Variants in AGBL2 observed in about 807,000 individuals in gnomAD.
The protein encoded by AGBL2 is AGBL carboxypeptidase 2, also known as cytosolic carboxypeptidase 2.
A neutral mutation model predicts 103.0 loss-of-function variants in AGBL2; 87 were observed. That is an observed-to-expected ratio of 0.84 (90% CI 0.71 to 1.01). The LOEUF is 1.01. Among genes scored for constraint, AGBL2 ranks in the 50% least tolerant of loss-of-function variants. The pLI is 0.00. For synonymous variants in AGBL2, 335 were observed against 356.7 expected, an observed-to-expected ratio of 0.94 and a Z score of 0.69; for missense variants, 904 against 1,023.5, an observed-to-expected ratio of 0.88 and a Z score of 1.59.
intron 8 of AGBL2, among the ~76,000 whole-genome samples, chr11:47,695,711 G>A (rs1228168052): frequency 7.1e-6 from 1 of 140,786 alleles, no homozygotes; most frequent in African/African-American, 2.7e-5. Flanking sequence ...TAAGGTGGAG[G>A]ATACAATGAG....
In AGBL2 at chr11:47,700,603, CCAACA is replaced by C. The variant is rs781432715; in HGVS notation, c.587-1055_587-1051del. Reference sequence around the variant, plus strand: ...TCAAAATAAATTTAAAACAAACAAACCAACAAACAAACAAACAAACATTTCCTTTA... The same window carrying C: ...TCAAAATAAATTTAAAACAAACAAACAACAAACAAACAAACATTTCCTTTA... On this transcript the variant is annotated intron_variant, in intron 7 of 18. Coordinates refer to ENST00000525123, the MANE Select transcript of AGBL2 (RefSeq NM_024783.4). Among the ~76,000 whole-genome samples, 920 of 150,644 alleles carry C rather than the reference CCAACA, an allele frequency of 6.1e-3. 8 individuals are homozygous for C. The highest frequency in any genetic ancestry group is 0.021 in the African/African-American group (882 of 41,324).
At chr11:47,677,220 T>C (rs1198929996) in intron 14 of AGBL2, 51 bp downstream of exon 14, 3 of 1,424,710 alleles carry the variant, frequency 2.1e-6, no homozygotes, top group Admixed American at 4.6e-5. Flanking sequence ...ATCACCCAGG[T>C]TAACAACAAA....
chr11:47,682,148 T>A, intron 11 of AGBL2, 53 bp from the exon 12 acceptor site: 13 of 1,527,084 alleles, frequency 8.5e-6, no homozygotes, highest in Non-Finnish European at 1.2e-5. Context: ...ATGTAAAATA[T>A]CTAAGATTCA....
intron 7 of AGBL2, among the ~76,000 whole-genome samples, chr11:47,701,034 C>T (rs570474136): frequency 1.8e-4 from 27 of 150,676 alleles, no homozygotes; most frequent in African/African-American, 5.6e-4. Flanking sequence ...CCAGCCTGGG[C>T]GACAGAGTGA....
rs556929459 is a variant in AGBL2 at position 47,662,519 on chromosome 11, G to A, written c.2535+507C>T. ...ACTTTTTTTTTTTTTTTTAGACGGA[G>A]TCGCACTCTGTCACCCAGGCTGGAG... is the stretch of plus-strand genomic sequence containing the variant. On this transcript the variant is annotated intron_variant, in intron 18 of 18. Transcript: ENST00000525123. Among the ~76,000 whole-genome samples, 7 of 146,524 alleles carry A rather than the reference G, an allele frequency of 4.8e-5. No homozygotes were observed. In the South Asian group the frequency reaches 1.5e-3, roughly 31 times the overall value.
intron 12 of AGBL2, among the ~76,000 whole-genome samples, chr11:47,681,721 G>A (rs2097402055): frequency 6.6e-6 from 1 of 152,330 alleles, no homozygotes; most frequent in South Asian, 2.1e-4. Context: ...GCCTCCCAAA[G>A]TGCTGGGATT....
At chr11:47,691,159 G>C (rs1190099473) in intron 9 of AGBL2, among the ~76,000 whole-genome samples, 1 of 151,424 alleles carries the variant, frequency 6.6e-6, no homozygotes, top group Non-Finnish European at 1.5e-5. Flanking sequence ...AGCTACTCAG[G>C]AGGCTGAAGC....
At chr11:47,712,554 C>T (rs922291657) in intron 3 of AGBL2, among the ~76,000 whole-genome samples, 1 of 152,094 alleles carries the variant, frequency 6.6e-6, no homozygotes, top group Non-Finnish European at 1.5e-5. Context: ...TGAAAAATTG[C>T]CAGTTCTTGT....
At position 47,667,699 on chromosome 11, in the gene AGBL2, A is replaced by G; in HGVS notation, c.2215-3T>C. ...AACATCTTCTTTTTCTGAGTCAGCT[A>G]TTCCAGAAAGTAGAGAAACTGGTCA... On this transcript the variant is annotated splice_polypyrimidine_tract_variant and splice_region_variant and intron_variant, in intron 15 of 18. Transcript: ENST00000525123. 1.2e-6 allele frequency: 2 copies of G among 1,609,088 alleles called. No homozygotes were observed. Among genetic ancestry groups the G allele is most frequent in the Non-Finnish European group, 1.7e-6 (2 of 1,179,260 alleles).
In AGBL2 at chr11:47,714,587, A is replaced by G. The variant is rs747602673; in HGVS notation, c.33+31T>C. On this transcript the variant is annotated intron_variant, in intron 2 of 18. Transcript: ENST00000525123. The stretch of plus-strand genomic sequence containing the variant: ...CGAAGAAATGGAGTTCCCCGAAGAA[A>G]TTTCTGTGGCTTTCCGTGTTGTGTA... The G allele has an allele frequency of 4.6e-5, 74 of 1,612,106 alleles. No individual in the cohort carries two copies. In the East Asian group the frequency reaches 1.3e-3, roughly 28 times the overall value.
intron 14 of AGBL2, among the ~76,000 whole-genome samples, chr11:47,676,285 C>A (rs1344555822): frequency 6.6e-6 from 1 of 152,116 alleles, no homozygotes; most frequent in Non-Finnish European, 1.5e-5. Context: ...AATCCACAGG[C>A]AAATCCTAAT....
chr11:47,667,690 G>C lies in AGBL2; in HGVS notation c.2221C>G (p.Gln741Glu), dbSNP rs1435104925. The change falls in exon 16 of 19, where the codon CAG (glutamine) becomes GAG (glutamate). Residue 741 changes from glutamine to glutamate, a missense_variant. Physicochemically the swap from Gln to Glu is conservative, Grantham distance 29. Coordinates refer to ENST00000525123, the MANE Select transcript of AGBL2 (RefSeq NM_024783.4). ...TTCTTCTTAAACATCTTCTTTTTCT[G>C]AGTCAGCTATTCCAGAAAGTAGAGA... ...HLANIADELT[Q>E]KKKMFKKKKK... is the part of the protein sequence containing the mutation. The C allele has an allele frequency of 6.2e-7, 1 of 1,609,974 alleles. No homozygotes were observed. Among genetic ancestry groups the C allele is most frequent in the Non-Finnish European group, 8.5e-7 (1 of 1,179,350 alleles).
intron 11 of AGBL2, among the ~76,000 whole-genome samples, chr11:47,684,520 C>T (rs540023244): frequency 5.3e-5 from 8 of 149,542 alleles, no homozygotes; most frequent in Admixed American, 6.7e-5. Flanking sequence ...CGCGCCACTG[C>T]ACTCCATCCT....
chr11:47,661,455 G>C (rs773010912), intron 18 of AGBL2, among the ~76,000 whole-genome samples: 40 of 152,162 alleles, frequency 2.6e-4, no homozygotes, highest in Non-Finnish European at 4.6e-4. Context: ...TATGGTGATT[G>C]GACTATCAGT....
At chr11:47,714,471 T>C (rs4752791) in intron 2 of AGBL2, 124 bp from the exon 3 acceptor site, 216,968 of 1,308,346 alleles carry the variant, frequency 0.17, 21,338 homozygotes, top group East Asian at 0.37. Flanking sequence ...TCCATGCGAA[T>C]TATTCTATCG....
chr11:47,666,254 C>A (rs142345197), intron 17 of AGBL2, among the ~76,000 whole-genome samples: 316 of 151,746 alleles, frequency 2.1e-3, no homozygotes, highest in African/African-American at 7.1e-3. Flanking sequence ...ATTAGCCGAG[C>A]ATGGTGGTGG....
rs772840491 is a variant in AGBL2, at chr11:47,660,138, C to T, written c.*35G>A. The stretch of plus-strand genomic sequence containing the variant: ...AAAATGTGTCTAATCTCAAAACCCC[C>T]GATGAAGTGCTTGTGTGGCACAGCC... On this transcript the variant is annotated 3_prime_UTR_variant, in exon 19 of 19. Transcript: ENST00000525123. 1.1e-5 allele frequency: 17 copies of T among 1,573,718 alleles called. No homozygotes were observed. Among genetic ancestry groups the T allele is most frequent in the African/African-American group, 4.1e-5 (3 of 73,390 alleles).
rs751360041 is a variant in AGBL2, at chr11:47,685,953, G to C, written c.1728C>G (p.Arg576=). 17 of 1,613,892 alleles carry C rather than the reference G, an allele frequency of 1.1e-5. No individual in the cohort carries two copies. In the East Asian group the frequency reaches 3.1e-4, roughly 30 times the overall value. The change falls in exon 11 of 19, where the codon CGC becomes CGG. Residue 576 remains arginine (R), a synonymous_variant. Transcript: ENST00000525123. ...AGACTCGTTCATGAAGCCAGTATTTGCGATTGTTGTTATTACAGCCATACA... is the reference window on the plus strand; with the variant it reads ...AGACTCGTTCATGAAGCCAGTATTTCCGATTGTTGTTATTACAGCCATACA... ...IFLYGCNNNN[R]KYWLHERVFP...
intron 3 of AGBL2, among the ~76,000 whole-genome samples, chr11:47,712,784 A>C (rs1340955633): frequency 6.6e-6 from 1 of 152,108 alleles, no homozygotes; most frequent in Non-Finnish European, 1.5e-5. Flanking sequence ...TCATGCCTGT[A>C]ATCTTGGCAT....
Sources: gnomAD v4.1 joint callset for allele counts (sites outside exome capture counted in the v4.1 genomes callset) on GRCh38, gnomAD v4.1.1 for gene constraint, MANE v1.5 for transcripts, NCBI Gene and HGNC (gene_info 2026-07-23, HGNC 2026-07-21) for gene names.